Variants in DPYD observed in about 807,000 individuals in gnomAD.
DPYD encodes dihydropyrimidine dehydrogenase [NADP(+)].
DPYD carries 109 observed loss-of-function variants against 116.2 expected under a neutral mutation model. The ratio of observed to expected loss-of-function variants is 0.94; its 90% CI spans 0.80 to 1.10. DPYD has a LOEUF of 1.10. Among genes scored for constraint, DPYD ranks in the 50% least tolerant of loss-of-function variants. DPYD has a pLI of 0.00. For synonymous variants in DPYD, 440 were observed against 432.0 expected (o/e 1.02, Z -0.23); for missense variants, 1,302 against 1,254.5 (o/e 1.04, Z -0.57).
chr1:97,673,444 C>A (rs985643200), intron 8 of DPYD, among the ~76,000 whole-genome samples: 1 of 151,942 alleles, frequency 6.6e-6, no homozygotes, highest in Non-Finnish European at 1.5e-5. Flanking sequence ...GTTAAGCAAC[C>A]TATAAATTTA....
chr1:97,154,030 C>A (rs59037549), intron 20 of DPYD, among the ~76,000 whole-genome samples: 1 of 149,798 alleles, frequency 6.7e-6, no homozygotes, highest in Non-Finnish European at 1.5e-5. Flanking sequence ...AAAGGGAACA[C>A]TTTTGCACTG....
chr1:97,181,797 C>A (rs1269885734), intron 20 of DPYD, among the ~76,000 whole-genome samples: 1 of 152,116 alleles, frequency 6.6e-6, no homozygotes, highest in Non-Finnish European at 1.5e-5. Flanking sequence ...CTATCTATGC[C>A]TCTCCATGTT....
intron 1 of DPYD, among the ~76,000 whole-genome samples, chr1:97,912,927 CTTG>C (rs1259127132): frequency 1.3e-5 from 2 of 152,106 alleles, no homozygotes; most frequent in African/African-American, 4.8e-5. Flanking sequence ...ATTAGTATAG[CTTG>C]AATTCTGGGG....
At chr1:97,910,146 A>G (rs1673862809) in intron 1 of DPYD, among the ~76,000 whole-genome samples, 1 of 152,110 alleles carries the variant, frequency 6.6e-6, no homozygotes, top group Non-Finnish European at 1.5e-5. Flanking sequence ...TATTTTTACA[A>G]AAGCTCATGA....
intron 18 of DPYD, among the ~76,000 whole-genome samples, chr1:97,294,282 T>A (rs1011589644): frequency 2.0e-5 from 3 of 152,180 alleles, no homozygotes; most frequent in Non-Finnish European, 4.4e-5. Context: ...CAGTTTAACC[T>A]TCTTGTTTAT....
chr1:97,744,403 G>A (rs1664434206), intron 3 of DPYD, among the ~76,000 whole-genome samples: 1 of 151,856 alleles, frequency 6.6e-6, no homozygotes, highest in Non-Finnish European at 1.5e-5. Flanking sequence ...GAATTTTCTA[G>A]TCAATGAGTT....
At chr1:97,842,661 T>C (rs553423602) in intron 2 of DPYD, among the ~76,000 whole-genome samples, 23 of 152,166 alleles carry the variant, frequency 1.5e-4, no homozygotes, top group African/African-American at 5.5e-4. Context: ...AAATGTTGAC[T>C]AGTTCTACAA....
At chr1:97,222,671 G>A (rs1363318334) in intron 19 of DPYD, among the ~76,000 whole-genome samples, 2 of 152,016 alleles carry the variant, frequency 1.3e-5, no homozygotes, top group African/African-American at 4.8e-5. Flanking sequence ...TAAACTAAAA[G>A]CATTTTTTTC....
At chr1:97,822,575 T>C (rs560913600) in intron 3 of DPYD, among the ~76,000 whole-genome samples, 60 of 152,118 alleles carry the variant, frequency 3.9e-4, no homozygotes, top group African/African-American at 1.3e-3. Context: ...GCATAATATA[T>C]TCCTAGAAGG....
intron 2 of DPYD, among the ~76,000 whole-genome samples, chr1:97,872,201 G>A (rs558107026): frequency 1.3e-5 from 2 of 151,950 alleles, no homozygotes; most frequent in Non-Finnish European, 2.9e-5. Context: ...AAGCTGTGAA[G>A]GGAAAATTTT....
chr1:97,453,332 T>C (rs934424764), intron 13 of DPYD, among the ~76,000 whole-genome samples: 1 of 152,144 alleles, frequency 6.6e-6, no homozygotes, highest in African/African-American at 2.4e-5. Context: ...ACCTGATCCA[T>C]GACCACCTAG....
At chr1:97,738,311 CCAAA>C (rs1352331169) in intron 4 of DPYD, among the ~76,000 whole-genome samples, 1 of 152,030 alleles carries the variant, frequency 6.6e-6, no homozygotes, top group African/African-American at 2.4e-5. Context: ...CCTGCACAAA[CCAAA>C]CAGAGAAAAA....
At chr1:97,309,006 A>G (rs1334502362) in intron 16 of DPYD, among the ~76,000 whole-genome samples, 1 of 151,814 alleles carries the variant, frequency 6.6e-6, no homozygotes, top group Non-Finnish European at 1.5e-5. Flanking sequence ...ATGAGTGAAA[A>G]CTTGGCAACT....
intron 13 of DPYD, among the ~76,000 whole-genome samples, chr1:97,493,968 G>C (rs535563455): frequency 6.6e-6 from 1 of 152,178 alleles, no homozygotes; most frequent in South Asian, 2.1e-4. Flanking sequence ...ATGACTGTAG[G>C]GACAGACAGA....
intron 16 of DPYD, among the ~76,000 whole-genome samples, chr1:97,328,977 A>C (rs1668845674): frequency 6.6e-6 from 1 of 152,182 alleles, no homozygotes. Flanking sequence ...TTTCACATTT[A>C]ATTAAAGCTA....
chr1:97,537,995 A>G (rs1432687715), intron 12 of DPYD, among the ~76,000 whole-genome samples: 1 of 150,340 alleles, frequency 6.7e-6, no homozygotes, highest in Admixed American at 6.7e-5. Context: ...TGAACCCGGG[A>G]GGCGGAGGTT....
chr1:97,266,386 G>C (rs1195459397), intron 18 of DPYD, among the ~76,000 whole-genome samples: 1 of 152,146 alleles, frequency 6.6e-6, no homozygotes, highest in Non-Finnish European at 1.5e-5. Flanking sequence ...ACAAAATCTA[G>C]GAGTGCTATC....
At position 97,730,641 on chromosome 1, in the gene DPYD, G is replaced by A. The variant is rs1316218197; in HGVS notation, c.322-8970C>T. Among the ~76,000 whole-genome samples, 6 of 151,888 alleles carry A rather than the reference G, an allele frequency of 4.0e-5. No homozygotes were observed. The East Asian group carries it at 1.2e-3, about 29-fold the overall frequency. ...GAATATATATTTTAAAATTATAAAA[G>A]CCCCACTTTATCCAGGGAAAATAAT... On this transcript the variant is annotated intron_variant, in intron 4 of 22. Transcript: ENST00000370192.
chr1:97,455,138 G>A (rs1676610906), intron 13 of DPYD, among the ~76,000 whole-genome samples: 1 of 151,822 alleles, frequency 6.6e-6, no homozygotes, highest in African/African-American at 2.4e-5. Context: ...GATGCTGGAG[G>A]AGAAATTGGA....
Sources: gnomAD v4.1 joint callset for allele counts (sites outside exome capture counted in the v4.1 genomes callset) on GRCh38, gnomAD v4.1.1 for gene constraint, MANE v1.5 for transcripts, NCBI Gene and HGNC (gene_info 2026-07-23, HGNC 2026-07-21) for gene names.